Variants in KCNT2 observed in about 807,000 individuals in gnomAD.
KCNT2 encodes the protein potassium sodium-activated channel subfamily T member 2.
Under a neutral mutation model 153.8 loss-of-function variants are expected in KCNT2, and 67 were observed. That is an observed-to-expected ratio of 0.44 (90% CI 0.36 to 0.53). The LOEUF is 0.53. Among genes scored for constraint, KCNT2 ranks in the 20% least tolerant of loss-of-function variants. The pLI is 0.00. For synonymous variants in KCNT2, 500 were observed against 458.8 expected (o/e 1.09, Z -1.15); for missense variants, 975 against 1,354.8 (o/e 0.72, Z 4.40).
intron 10 of KCNT2, among the ~76,000 whole-genome samples, chr1:196,426,469 A>G (rs1673664402): frequency 6.6e-6 from 1 of 152,068 alleles, no homozygotes; most frequent in South Asian, 2.1e-4. Flanking sequence ...TATTTGAATG[A>G]ATAAGGATCC....
intron 21 of KCNT2, among the ~76,000 whole-genome samples, chr1:196,306,531 G>C (rs1295567607): frequency 6.6e-6 from 1 of 152,082 alleles, no homozygotes; most frequent in African/African-American, 2.4e-5. Context: ...AAGGTTGATG[G>C]ATGATTTGCC....
chr1:196,523,122 C>G (rs1653695428), intron 1 of KCNT2, among the ~76,000 whole-genome samples: 1 of 152,164 alleles, frequency 6.6e-6, no homozygotes, highest in African/African-American at 2.4e-5. Context: ...TCAGCAAGAC[C>G]ACGAAACCAC....
At chr1:196,314,092 C>A (rs905023465) in intron 21 of KCNT2, among the ~76,000 whole-genome samples, 14 of 151,534 alleles carry the variant, frequency 9.2e-5, no homozygotes, top group African/African-American at 3.1e-4. Flanking sequence ...TTACTAATTA[C>A]AGCCTTTGAA....
chr1:196,257,987 G>A, intron 26 of KCNT2: 5 of 1,375,238 alleles, frequency 3.6e-6, no homozygotes, highest in Non-Finnish European at 3.8e-6. Context: ...ACAGTACCTA[G>A]CAGACTCAGC....
intron 1 of KCNT2, among the ~76,000 whole-genome samples, chr1:196,505,698 G>A (rs1487331521): frequency 1.3e-5 from 2 of 151,972 alleles, no homozygotes; most frequent in African/African-American, 2.4e-5. Flanking sequence ...TCACGATATT[G>A]ATTCTTCCTA....
At chr1:196,294,486 G>C (rs192808879) in intron 22 of KCNT2, among the ~76,000 whole-genome samples, 1 of 152,022 alleles carries the variant, frequency 6.6e-6, no homozygotes, top group East Asian at 1.9e-4. Flanking sequence ...ATGTTGGCCA[G>C]GATGATCTCA....
chr1:196,239,225 C>T (rs1654726642), intron 26 of KCNT2, among the ~76,000 whole-genome samples: 1 of 151,478 alleles, frequency 6.6e-6, no homozygotes, highest in Non-Finnish European at 1.5e-5. Flanking sequence ...TCCCTGATAA[C>T]CAAAATACGA....
At chr1:196,243,809 G>C (rs1212448270) in intron 26 of KCNT2, among the ~76,000 whole-genome samples, 1 of 152,122 alleles carries the variant, frequency 6.6e-6, no homozygotes, top group East Asian at 1.9e-4. Flanking sequence ...AGCTGTGTTG[G>C]AATCAAAGAC....
At chr1:196,408,637 A>C (rs1672031595) in intron 12 of KCNT2, among the ~76,000 whole-genome samples, 1 of 151,542 alleles carries the variant, frequency 6.6e-6, no homozygotes, top group Non-Finnish European at 1.5e-5. Context: ...TTTATCTTTT[A>C]CCCATGGGTT....
chr1:196,327,183 C>A (rs1663945672), intron 18 of KCNT2, among the ~76,000 whole-genome samples: 3 of 152,046 alleles, frequency 2.0e-5, no homozygotes, highest in African/African-American at 4.8e-5. Flanking sequence ...TAGAAGACAT[C>A]CAGGTATACA....
At chr1:196,309,754 T>A (rs1257087863) in intron 21 of KCNT2, among the ~76,000 whole-genome samples, 2 of 152,012 alleles carry the variant, frequency 1.3e-5, no homozygotes, top group African/African-American at 4.8e-5. Flanking sequence ...ACACCATAAA[T>A]CTATTTCTGG....
At chr1:196,511,891 G>A (rs1021278776) in intron 1 of KCNT2, among the ~76,000 whole-genome samples, 4 of 152,134 alleles carry the variant, frequency 2.6e-5, no homozygotes, top group Admixed American at 6.6e-5. Context: ...AGGGGTAAGT[G>A]CTTCAACATA....
intron 8 of KCNT2, among the ~76,000 whole-genome samples, chr1:196,436,214 G>A (rs956072006): frequency 1.3e-5 from 2 of 151,368 alleles, no homozygotes; most frequent in Non-Finnish European, 3.0e-5. Flanking sequence ...TATTCTTTTG[G>A]TTACTGGCAA....
At chr1:196,437,011 C>CATAAAAATATATCATATATAAAT (rs1305826837) in intron 8 of KCNT2, among the ~76,000 whole-genome samples, 1 of 37,278 alleles carries the variant, frequency 2.7e-5, no homozygotes, top group Non-Finnish European at 4.9e-5. Flanking sequence ...GGGAAATATA[C>CATAAAAATATATCATATATAAAT]ATATATTTAT....
intron 1 of KCNT2, among the ~76,000 whole-genome samples, chr1:196,592,507 TATAA>T (rs1663491655): frequency 1.4e-5 from 2 of 147,600 alleles, no homozygotes; most frequent in South Asian, 2.1e-4. Flanking sequence ...TCTAACTATA[TATAA>T]ATATATTAAT....
At chr1:196,266,826 C>T (rs181651575) in intron 25 of KCNT2, among the ~76,000 whole-genome samples, 29 of 152,294 alleles carry the variant, frequency 1.9e-4, no homozygotes, top group Non-Finnish European at 3.5e-4. Flanking sequence ...TGACTCCTTT[C>T]AATCAGCAAT....
rs754250273 is a variant in KCNT2 at position 196,235,241 on chromosome 1, T to C, written c.3296+745A>G. 5.9e-5 allele frequency among the ~76,000 whole-genome samples: 9 copies of C among 151,428 alleles called. No individual in the cohort carries two copies. In the South Asian group the frequency reaches 8.3e-4, roughly 14 times the overall value. ...AATTCCTGCATTTTCCAAGCCATTC[T>C]TTCTGTTCTGGAATGTCCTCTCTTC... On this transcript the variant is annotated intron_variant, in intron 27 of 27. Coordinates refer to ENST00000294725, the MANE Select transcript of KCNT2 (RefSeq NM_198503.5).
rs74539025 is a variant in KCNT2, at chr1:196,473,874, A to G, written c.385-4806T>C. 1.7e-3 allele frequency among the ~76,000 whole-genome samples: 264 copies of G among 152,226 alleles called. 9 individuals are homozygous for G. The East Asian group carries it at 0.046, about 26-fold the overall frequency. On this transcript the variant is annotated intron_variant, in intron 5 of 27. Transcript: ENST00000294725. ...ACTATGTAAGAAAACTAAGAAATAA[A>G]ATTGAAAGGCAAGCACAATGCCTTT...
At chr1:196,605,157 C>A (rs566664794) in intron 1 of KCNT2, among the ~76,000 whole-genome samples, 2 of 152,168 alleles carry the variant, frequency 1.3e-5, no homozygotes, top group Non-Finnish European at 2.9e-5. Flanking sequence ...GAACACAATT[C>A]CCCCATCATT....
Sources: allele counts gnomAD v4.1 joint callset (sites outside exome capture counted in the v4.1 genomes callset), GRCh38; gene constraint gnomAD v4.1.1; transcripts MANE v1.5; gene names NCBI Gene and HGNC (gene_info 2026-07-23, HGNC 2026-07-21).